The following BTBD7 variants were observed in gnomAD, a reference collection of about 807,000 sequenced individuals.
BTBD7 encodes the protein BTB domain containing 7.
BTBD7 carries 38 observed loss-of-function variants against 99.9 expected under a neutral mutation model. That is an observed-to-expected ratio of 0.38 (90% CI 0.29 to 0.50). The LOEUF (loss-of-function observed/expected upper bound fraction) is 0.50. Ranked by LOEUF, BTBD7 falls within the 20% of genes least tolerant of loss-of-function variation. The probability of loss-of-function intolerance (pLI) is 0.93; values close to 1 mark genes in which losing one functional copy is unlikely to be tolerated. For synonymous variants in BTBD7, 520 were observed against 511.4 expected (o/e 1.02, Z -0.23); for missense variants, 1,170 against 1,394.6 (o/e 0.84, Z 2.57).
rs576324125 is a variant in BTBD7, at chr14:93,240,546, T to A, written c.*1727A>T. On this transcript the variant is annotated 3_prime_UTR_variant, in exon 11 of 11. Transcript: ENST00000334746. ...GTGAGTGTGAGTGATTCATAGTTTT[T>A]TATATATATACATACATAGAAAAGA... is the stretch of plus-strand genomic sequence containing the variant. 4 of 152,600 alleles carry A rather than the reference T, an allele frequency of 2.6e-5. No individual in the cohort carries two copies. The highest frequency in any genetic ancestry group is 5.9e-5 in the Non-Finnish European group (4 of 68,032). 9.5% of individuals were successfully genotyped at this position (152,600 alleles called of 1,614,324 possible). A position where few individuals can be genotyped will look rare whatever the true frequency, so the allele number is the denominator to read the frequency against.
intron 1 of BTBD7, among the ~76,000 whole-genome samples, chr14:93,325,380 A>G (rs1014009596): frequency 6.6e-6 from 1 of 152,064 alleles, no homozygotes; most frequent in African/African-American, 2.4e-5. Context: ...CGCCCACCTC[A>G]GCCTCCCAAA....
At chr14:93,325,663 G>A (rs2053322487) in intron 1 of BTBD7, among the ~76,000 whole-genome samples, 1 of 152,178 alleles carries the variant, frequency 6.6e-6, no homozygotes, top group Non-Finnish European at 1.5e-5. Context: ...CTTCAGATAG[G>A]TTAAGTGACT....
chr14:93,297,906 A>G (rs886842949), intron 1 of BTBD7, among the ~76,000 whole-genome samples: 8 of 152,314 alleles, frequency 5.3e-5, no homozygotes, highest in African/African-American at 1.9e-4. Context: ...ATGAGGGGGG[A>G]AAAAGACTTT....
chr14:93,292,812 G>A (rs1350445531), intron 3 of BTBD7, among the ~76,000 whole-genome samples: 1 of 152,068 alleles, frequency 6.6e-6, no homozygotes, highest in Admixed American at 6.6e-5. Context: ...ACACACCACT[G>A]AGACTGGCTT....
chr14:93,246,401 T>C, intron 9 of BTBD7, 115 bp from the exon 10 acceptor site: 1 of 1,144,134 alleles, frequency 8.7e-7, no homozygotes, highest in Non-Finnish European at 1.2e-6. Flanking sequence ...TCAGCAAGAA[T>C]AAAAAGCATA....
At chr14:93,305,914 G>T (rs1595332870) in intron 1 of BTBD7, among the ~76,000 whole-genome samples, 1 of 152,126 alleles carries the variant, frequency 6.6e-6, no homozygotes, top group South Asian at 2.1e-4. Flanking sequence ...GTCAGCTCAG[G>T]TCTCTCTTCC....
chr14:93,293,841 A>G lies in BTBD7; in HGVS notation c.1162+17T>C. 1 of 1,580,208 alleles carries G rather than the reference A, an allele frequency of 6.3e-7. No individual in the cohort carries two copies. The highest frequency in any genetic ancestry group is 2.2e-5 in the East Asian group (1 of 44,656). Reference sequence around the variant, plus strand: ...ACATAATTCTATAAATCAGAATTAAAAACCAGAACTTCATACCTTGTGCAA... The same window carrying G: ...ACATAATTCTATAAATCAGAATTAAGAACCAGAACTTCATACCTTGTGCAA... On this transcript the variant is annotated intron_variant, in intron 3 of 10. Transcript: ENST00000334746.
intron 1 of BTBD7, among the ~76,000 whole-genome samples, chr14:93,326,078 G>A (rs1468114584): frequency 6.6e-6 from 1 of 151,890 alleles, no homozygotes; most frequent in Non-Finnish European, 1.5e-5. Context: ...ACAGCGTGGT[G>A]GTTCTTAACT....
chr14:93,306,780 A>G (rs2053075570), intron 1 of BTBD7, among the ~76,000 whole-genome samples: 1 of 151,996 alleles, frequency 6.6e-6, no homozygotes, highest in African/African-American at 2.4e-5. Context: ...TTGAGATCTG[A>G]GTCTGAGTGT....
chr14:93,253,634 T>C lies in BTBD7; in HGVS notation c.1752+13A>G, dbSNP rs768805982. 2.5e-6 allele frequency: 4 copies of C among 1,608,580 alleles called. No homozygotes were observed. The highest frequency in any genetic ancestry group is 1.7e-5 in the Admixed American group (1 of 59,932). On this transcript the variant is annotated intron_variant, in intron 7 of 10. Transcript: ENST00000334746. The stretch of plus-strand genomic sequence containing the variant: ...AATAAAGTAGTCTACTATCTTCAAA[T>C]GGTTTTCATTACCTTTGCTTCTTCC...
chr14:93,258,122 C>G (rs1465664068), intron 5 of BTBD7, among the ~76,000 whole-genome samples: 1 of 129,838 alleles, frequency 7.7e-6, no homozygotes, highest in African/African-American at 3.5e-5. Flanking sequence ...AAAATTAACA[C>G]AGAATAAGAT....
chr14:93,255,112 TA>T (rs1216109162), intron 6 of BTBD7, among the ~76,000 whole-genome samples: 1 of 152,118 alleles, frequency 6.6e-6, no homozygotes, highest in Non-Finnish European at 1.5e-5. Flanking sequence ...ATTACAACAG[TA>T]ATGTTGATAT....
At chr14:93,271,276 A>T (rs2052597736) in intron 3 of BTBD7, among the ~76,000 whole-genome samples, 1 of 152,168 alleles carries the variant, frequency 6.6e-6, no homozygotes, top group Non-Finnish European at 1.5e-5. Flanking sequence ...TGTTTCACCA[A>T]TACCAGTGGG....
At chr14:93,258,742 A>T (rs2052457780) in intron 5 of BTBD7, among the ~76,000 whole-genome samples, 1 of 152,066 alleles carries the variant, frequency 6.6e-6, no homozygotes, top group East Asian at 1.9e-4. Flanking sequence ...CCGCCACCAC[A>T]CGCAGCTAAT....
chr14:93,307,586 G>A (rs1457612284), intron 1 of BTBD7, among the ~76,000 whole-genome samples: 2 of 151,992 alleles, frequency 1.3e-5, no homozygotes, highest in Admixed American at 6.6e-5. Flanking sequence ...CCTACCTCAG[G>A]GCTCTTCCCT....
chr14:93,258,200 C>CGTGTGT (rs144474216), intron 5 of BTBD7, among the ~76,000 whole-genome samples: 2 of 146,868 alleles, frequency 1.4e-5, no homozygotes, highest in Non-Finnish European at 3.0e-5. Context: ...TTCCTTAAAT[C>CGTGTGT]GTGTGTGTGT....
Position 93,246,103 on chromosome 14 carries a change from C to T in BTBD7, c.2305G>A (p.Ala769Thr). 1.5e-6 allele frequency: 2 copies of T among 1,367,444 alleles called. No individual in the cohort carries two copies. The highest frequency in any genetic ancestry group is 1.9e-6 in the Non-Finnish European group (2 of 1,037,964). The allele number at this position is 1,367,444 out of a possible 1,614,324, so 84.7% of individuals were successfully genotyped here. Reference sequence around the variant, plus strand: ...TTGAGTTGGTTATGGATTGGGGTAGCTGGGGGGTGGTAGGGAGGTGGTGGA... The same window carrying T: ...TTGAGTTGGTTATGGATTGGGGTAGTTGGGGGGTGGTAGGGAGGTGGTGGA... ...PPPPPPYHPPATPIHNQLKAG... is the reference protein window; with the variant it reads ...PPPPPPYHPPTTPIHNQLKAG... The change falls in exon 10 of 11, where the codon GCT becomes ACT. Residue 769 changes from alanine to threonine, a missense_variant. Physicochemically the swap from Ala to Thr is moderately conservative, Grantham distance 58. Coordinates refer to ENST00000334746, the MANE Select transcript of BTBD7 (RefSeq NM_001002860.4).
chr14:93,317,895 C>CTT (rs2139816729), intron 1 of BTBD7, among the ~76,000 whole-genome samples: 1 of 152,340 alleles, frequency 6.6e-6, no homozygotes, highest in East Asian at 1.9e-4. Flanking sequence ...ACACCCTGGG[C>CTT]AGTGAGTCTC....
intron 1 of BTBD7, among the ~76,000 whole-genome samples, chr14:93,299,103 G>A (rs1256268674): frequency 6.6e-6 from 1 of 152,186 alleles, no homozygotes; most frequent in Non-Finnish European, 1.5e-5. Flanking sequence ...ACCTTGGAAG[G>A]GAAGGGAGGT....
Sources: allele counts gnomAD v4.1 joint callset (sites outside exome capture counted in the v4.1 genomes callset), GRCh38; gene constraint gnomAD v4.1.1; transcripts MANE v1.5; gene names NCBI Gene and HGNC (gene_info 2026-07-23, HGNC 2026-07-21).